Variants in PSMA1 observed in about 807,000 individuals in gnomAD.
PSMA1 encodes the protein proteasome subunit alpha type-1.
A neutral mutation model predicts 38.4 loss-of-function variants in PSMA1; 3 were observed. The observed-to-expected ratio is 0.08, with a 90% CI of 0.04 to 0.20. The LOEUF is 0.20. Among genes scored for constraint, PSMA1 ranks in the 10% least tolerant of loss-of-function variants. The pLI, the probability that PSMA1 is intolerant of heterozygous loss-of-function variation, is 1.00. For missense variants in PSMA1, 227 were observed against 325.3 expected, an observed-to-expected ratio of 0.70 and a Z score of 2.32; for synonymous variants, 101 against 107.1, an observed-to-expected ratio of 0.94 and a Z score of 0.35.
At chr11:14,521,384 C>T (rs1851527579), upstream of PSMA1, among the ~76,000 whole-genome samples, 1 of 150,928 alleles carries the variant, frequency 6.6e-6, no homozygotes, top group African/African-American at 2.4e-5. Flanking sequence ...CCCAGCCACT[C>T]GGGAAGCTGA....
intron 2 of PSMA1, among the ~76,000 whole-genome samples, chr11:14,545,891 AAGAT>A (rs1296965608): frequency 3.3e-5 from 5 of 152,212 alleles, no homozygotes; most frequent in African/African-American, 7.2e-5. Flanking sequence ...GAAGAGGTGA[AAGAT>A]AGGGCAGAGA....
At chr11:14,526,541 A>G (rs1851587790) in intron 2 of PSMA1, among the ~76,000 whole-genome samples, 1 of 151,498 alleles carries the variant, frequency 6.6e-6, no homozygotes, top group Non-Finnish European at 1.5e-5. Context: ...TGCTCAACTC[A>G]CTCTCTACAG....
At chr11:14,560,245 C>G (rs140026622) in intron 2 of PSMA1, among the ~76,000 whole-genome samples, 1 of 152,216 alleles carries the variant, frequency 6.6e-6, no homozygotes, top group Non-Finnish European at 1.5e-5. Context: ...TAATTTTGCA[C>G]AAGTTCCAGG....
At chr11:14,641,627 A>G (rs1337243013) in intron 1 of PSMA1, among the ~76,000 whole-genome samples, 1 of 152,232 alleles carries the variant, frequency 6.6e-6, no homozygotes, top group Non-Finnish European at 1.5e-5. Flanking sequence ...AACCTGAATG[A>G]CAGCTAAAAG....
intron 2 of PSMA1, among the ~76,000 whole-genome samples, chr11:14,545,252 T>C (rs1488468687): frequency 6.6e-6 from 1 of 152,248 alleles, no homozygotes; most frequent in Non-Finnish European, 1.5e-5. Flanking sequence ...TATCAAAATA[T>C]TAAAAACAAA....
At chr11:14,508,977 C>T (rs1851296434) in intron 8 of PSMA1, among the ~76,000 whole-genome samples, 1 of 152,148 alleles carries the variant, frequency 6.6e-6, no homozygotes, top group South Asian at 2.1e-4. Flanking sequence ...CCAGTCCTCA[C>T]AATGCTTGTC....
chr11:14,505,293 G>GA (rs780166964), intron 9 of PSMA1, 45 bp from the exon 10 acceptor site: 40 of 1,454,424 alleles, frequency 2.8e-5, no homozygotes, highest in Non-Finnish European at 3.9e-5. Context: ...ATGAACACTT[G>GA]ATCAATATAC....
At chr11:14,553,720 C>A (rs936997660) in intron 2 of PSMA1, among the ~76,000 whole-genome samples, 10 of 152,052 alleles carry the variant, frequency 6.6e-5, no homozygotes, top group African/African-American at 1.4e-4. Flanking sequence ...AGCCATTCAC[C>A]CATTGAAGGA....
At chr11:14,543,892 C>T (rs1358031641) in intron 2 of PSMA1, among the ~76,000 whole-genome samples, 2 of 152,152 alleles carry the variant, frequency 1.3e-5, no homozygotes, top group Admixed American at 1.3e-4. Context: ...TTGTACTATA[C>T]AGTTCACTCA....
At chr11:14,632,790 A>T (rs1350596372) in intron 1 of PSMA1, among the ~76,000 whole-genome samples, 9 of 151,636 alleles carry the variant, frequency 5.9e-5, no homozygotes, top group African/African-American at 2.2e-4. Context: ...TCTCCCCATC[A>T]CTTTCAGGTA....
At chr11:14,542,409 G>GA (rs977873150) in intron 2 of PSMA1, among the ~76,000 whole-genome samples, 12 of 150,658 alleles carry the variant, frequency 8.0e-5, no homozygotes, top group South Asian at 2.1e-4. Flanking sequence ...TGTAAGCAGG[G>GA]AAAAAAAAAC....
upstream of PSMA1, among the ~76,000 whole-genome samples, chr11:14,522,405 G>A (rs990353375): frequency 1.3e-5 from 2 of 152,012 alleles, no homozygotes; most frequent in African/African-American, 2.4e-5. Context: ...AGAATTGTGG[G>A]GTCAAAGGGA....
chr11:14,630,072 A>G (rs984434776), intron 1 of PSMA1, among the ~76,000 whole-genome samples: 51 of 152,126 alleles, frequency 3.4e-4, no homozygotes, highest in Middle Eastern at 6.8e-3. Flanking sequence ...GGGCTGAGAC[A>G]ATGGGGTTTT....
At chr11:14,598,732 G>C (rs767994626) in intron 2 of PSMA1, among the ~76,000 whole-genome samples, 29 of 149,504 alleles carry the variant, frequency 1.9e-4, no homozygotes, top group Non-Finnish European at 3.4e-4. Context: ...GGAGCATTTA[G>C]CCCATTTACA....
chr11:14,580,952 C>T (rs911139439), intron 2 of PSMA1, among the ~76,000 whole-genome samples: 6 of 152,106 alleles, frequency 3.9e-5, no homozygotes, highest in Non-Finnish European at 8.8e-5. Flanking sequence ...GGCAACACAT[C>T]AGGAGTGATA....
chr11:14,521,765 C>CAAA (rs367961519), upstream of PSMA1, among the ~76,000 whole-genome samples: 44 of 107,798 alleles, frequency 4.1e-4, no homozygotes, highest in African/African-American at 1.0e-3. Flanking sequence ...GACTCCATCT[C>CAAA]AAAAAAAAAA....
At chr11:14,599,075 T>C (rs1468080369) in intron 2 of PSMA1, among the ~76,000 whole-genome samples, 2 of 152,192 alleles carry the variant, frequency 1.3e-5, no homozygotes, top group Non-Finnish European at 2.9e-5. Flanking sequence ...CCCCATTCTC[T>C]TCTGGCTTTT....
chr11:14,623,946 G>T (rs1195181905), intron 1 of PSMA1, among the ~76,000 whole-genome samples: 1 of 152,202 alleles, frequency 6.6e-6, no homozygotes, highest in Non-Finnish European at 1.5e-5. Context: ...CTGGGTACAG[G>T]CTTGTCTTTC....
intron 1 of PSMA1, among the ~76,000 whole-genome samples, chr11:14,640,622 G>C (rs1056919669): frequency 1.3e-5 from 2 of 151,940 alleles, no homozygotes; most frequent in Admixed American, 6.6e-5. Flanking sequence ...ATGAGTATTA[G>C]CTGGAAGGAA....
Sources: gnomAD v4.1 joint callset for allele counts (sites outside exome capture counted in the v4.1 genomes callset) on GRCh38, gnomAD v4.1.1 for gene constraint, MANE v1.5 for transcripts, NCBI Gene and HGNC (gene_info 2026-07-23, HGNC 2026-07-21) for gene names.